The following ALK variants were observed in gnomAD, a reference collection of about 807,000 sequenced individuals.
The protein encoded by ALK is ALK tyrosine kinase receptor.
A neutral mutation model predicts 163.1 loss-of-function variants in ALK; 74 were observed. The ratio of observed to expected loss-of-function variants is 0.45; its 90% CI spans 0.38 to 0.55. The LOEUF (loss-of-function observed/expected upper bound fraction) is 0.55, where lower values mean the gene tolerates loss of function less well. ALK is among the 20% of genes least tolerant of loss of function. ALK has a pLI of 0.00. For missense variants in ALK, 2,063 were observed against 2,105.3 expected, an observed-to-expected ratio of 0.98 and a Z score of 0.39; for synonymous variants, 960 against 843.2, an observed-to-expected ratio of 1.14 and a Z score of -2.40.
chr2:29,593,808 C>G (rs1419318951), intron 3 of ALK, among the ~76,000 whole-genome samples: 1 of 152,206 alleles, frequency 6.6e-6, no homozygotes, highest in Non-Finnish European at 1.5e-5. Context: ...ATTCTTAGGA[C>G]AAGCTTCTCT....
intron 1 of ALK, among the ~76,000 whole-genome samples, chr2:29,731,991 C>A (rs531597277): frequency 2.6e-5 from 4 of 152,294 alleles, no homozygotes; most frequent in African/African-American, 9.6e-5. Flanking sequence ...CTCCCTTTGC[C>A]CTGGGCCTCG....
intron 3 of ALK, among the ~76,000 whole-genome samples, chr2:29,576,642 G>A (rs1212552950): frequency 6.6e-6 from 1 of 152,208 alleles, no homozygotes; most frequent in Non-Finnish European, 1.5e-5. Context: ...AGACCATCCA[G>A]GAGGAGGTGA....
intron 5 of ALK, among the ~76,000 whole-genome samples, chr2:29,331,347 T>C (rs908700731): frequency 6.6e-6 from 1 of 152,142 alleles, no homozygotes; most frequent in East Asian, 1.9e-4. Context: ...CCAACACGGA[T>C]GGAAAATACA....
At chr2:29,617,060 C>T (rs1250498278) in intron 3 of ALK, among the ~76,000 whole-genome samples, 2 of 152,124 alleles carry the variant, frequency 1.3e-5, no homozygotes, top group Non-Finnish European at 2.9e-5. Flanking sequence ...GCATAAAACA[C>T]AGCCCACCCT....
At chr2:29,258,470 C>G (rs1665006077) in intron 11 of ALK, among the ~76,000 whole-genome samples, 2 of 152,182 alleles carry the variant, frequency 1.3e-5, no homozygotes, top group African/African-American at 4.8e-5. Context: ...TTCCCCCAAT[C>G]TACTATTTGG....
chr2:29,811,575 T>C (rs188407502), intron 1 of ALK, among the ~76,000 whole-genome samples: 150 of 152,298 alleles, frequency 9.8e-4, no homozygotes, highest in African/African-American at 3.3e-3. Flanking sequence ...AACTAACTCA[T>C]TGCTTCACAC....
At chr2:29,504,853 C>A (rs6724436) in intron 4 of ALK, among the ~76,000 whole-genome samples, 65,644 of 151,956 alleles carry the variant, frequency 0.43, 15,088 homozygotes, top group African/African-American at 0.59. Flanking sequence ...TTACTTCCAA[C>A]GGGAAAAACC....
At chr2:29,847,657 G>A (rs1665880451) in intron 1 of ALK, among the ~76,000 whole-genome samples, 1 of 152,056 alleles carries the variant, frequency 6.6e-6, no homozygotes, top group African/African-American at 2.4e-5. Context: ...AAAAAAGAAC[G>A]GGAAAATAGG....
intron 3 of ALK, among the ~76,000 whole-genome samples, chr2:29,607,761 C>T (rs932414516): frequency 7.2e-5 from 11 of 152,118 alleles, no homozygotes; most frequent in Non-Finnish European, 1.2e-4. Context: ...TGTTGGATGC[C>T]TCAAAGCCTT....
At chr2:29,560,940 A>G (rs887421290) in intron 3 of ALK, among the ~76,000 whole-genome samples, 4 of 152,108 alleles carry the variant, frequency 2.6e-5, no homozygotes, top group African/African-American at 9.7e-5. Flanking sequence ...ATTTTATAGT[A>G]TACAAATTGT....
At chr2:29,557,543 C>T (rs1673896960) in intron 3 of ALK, among the ~76,000 whole-genome samples, 2 of 152,072 alleles carry the variant, frequency 1.3e-5, no homozygotes, top group Non-Finnish European at 2.9e-5. Flanking sequence ...TTTTAACTAA[C>T]AAATGGGCAT....
intron 3 of ALK, among the ~76,000 whole-genome samples, chr2:29,571,567 C>T (rs138099011): frequency 0.2 from 26,830 of 136,986 alleles, 2,576 homozygotes; most frequent in South Asian, 0.25. Flanking sequence ...AATTAAACCT[C>T]TTTCCTTTAT....
At chr2:29,405,713 G>T (rs1407089051) in intron 4 of ALK, among the ~76,000 whole-genome samples, 1 of 152,160 alleles carries the variant, frequency 6.6e-6, no homozygotes, top group Non-Finnish European at 1.5e-5. Flanking sequence ...TAAAGAGAGG[G>T]TTTACTTAAC....
In ALK at chr2:29,824,222, T is replaced by C. The variant is rs531639814; in HGVS notation, c.667+95771A>G. ...CTCTGCCTAGATTTCAGAAGATGCA[T>C]GGAAATGCCTGGATGTCCAGGCAGA... On this transcript the variant is annotated intron_variant, in intron 1 of 28. Coordinates refer to ENST00000389048, the MANE Select transcript of ALK (RefSeq NM_004304.5). Among the ~76,000 whole-genome samples, 243 of 152,276 alleles carry C rather than the reference T, an allele frequency of 1.6e-3. 2 individuals are homozygous for C. Among genetic ancestry groups the C allele is most frequent in the African/African-American group, 5.6e-3 (232 of 41,556 alleles).
chr2:29,906,129 G>A (rs1321104912), intron 1 of ALK, among the ~76,000 whole-genome samples: 4 of 148,926 alleles, frequency 2.7e-5, no homozygotes, highest in East Asian at 1.9e-4. Context: ...AGGAGAGGGC[G>A]TGTGGGGCAG....
At chr2:29,905,900 T>A (rs1326361223) in intron 1 of ALK, among the ~76,000 whole-genome samples, 1 of 152,210 alleles carries the variant, frequency 6.6e-6, no homozygotes, top group Non-Finnish European at 1.5e-5. Context: ...GCCCCACTCC[T>A]GGGCTCTCTG....
At chr2:29,558,853 C>G (rs1396189446) in intron 3 of ALK, among the ~76,000 whole-genome samples, 1 of 152,136 alleles carries the variant, frequency 6.6e-6, no homozygotes, top group Non-Finnish European at 1.5e-5. Flanking sequence ...ATACGGTGGA[C>G]ACCCATAAAT....
chr2:29,457,596 A>G (rs148218812), intron 4 of ALK, among the ~76,000 whole-genome samples: 18 of 152,140 alleles, frequency 1.2e-4, no homozygotes, highest in African/African-American at 4.1e-4. Flanking sequence ...GTCTTCTTAC[A>G]TTGCTCCTTC....
At chr2:29,726,266 A>G (rs1378851563) in intron 1 of ALK, among the ~76,000 whole-genome samples, 1 of 151,946 alleles carries the variant, frequency 6.6e-6, no homozygotes, top group African/African-American at 2.4e-5. Flanking sequence ...TATGAAATTT[A>G]CTCCACTGTG....
Sources: gnomAD v4.1 joint callset for allele counts (sites outside exome capture counted in the v4.1 genomes callset) on GRCh38, gnomAD v4.1.1 for gene constraint, MANE v1.5 for transcripts, NCBI Gene and HGNC (gene_info 2026-07-23, HGNC 2026-07-21) for gene names.